Variants in CLNK observed in about 807,000 individuals in gnomAD.
CLNK encodes cytokine dependent hematopoietic cell linker.
CLNK carries 74 observed loss-of-function variants against 68.6 expected under a neutral mutation model. The observed-to-expected ratio is 1.08, with a 90% CI of 0.89 to 1.31. CLNK has a LOEUF of 1.31. Among genes scored for constraint, CLNK ranks in the 50% most tolerant of loss-of-function variants. CLNK has a pLI of 0.00. For missense variants in CLNK, 553 were observed against 515.3 expected, an observed-to-expected ratio of 1.07 and a Z score of -0.71; for synonymous variants, 198 against 172.2, an observed-to-expected ratio of 1.15 and a Z score of -1.17.
intron 15 of CLNK, 62 bp from the exon 16 acceptor site, chr4:10,513,659 T>A: frequency 4.7e-6 from 7 of 1,499,636 alleles, no homozygotes; most frequent in Non-Finnish European, 5.4e-6. Context: ...GTCCCCCACC[T>A]CCAGAAAGGA....
intron 18 of CLNK, among the ~76,000 whole-genome samples, chr4:10,493,761 A>G (rs1716691590): frequency 6.6e-6 from 1 of 152,208 alleles, no homozygotes; most frequent in Non-Finnish European, 1.5e-5. Flanking sequence ...AATTGTAACC[A>G]GAGGGCCTGT....
rs180808030 is a variant in CLNK, at chr4:10,615,125, G to A, written c.12-17076C>T. Among the ~76,000 whole-genome samples the A allele has an allele frequency of 2.6e-4, 39 of 152,130 alleles. 1 individual carries two copies. In the East Asian group the frequency reaches 6.8e-3, roughly 26 times the overall value. ...TGCTTGGACCCAGAAGGTGGAGGTC[G>A]GCAGTGACCCGAGTTTGTGTCACTT... On this transcript the variant is annotated intron_variant, in intron 2 of 18. Coordinates refer to ENST00000226951, the MANE Select transcript of CLNK (RefSeq NM_052964.4).
At chr4:10,692,210 A>T in the CLNK span, 1 of 152,200 alleles carries the variant, frequency 6.6e-6, no homozygotes, top group East Asian at 1.9e-4. Flanking sequence ...TCTACAATGT[A>T]CAAACTCCTC....
At chr4:10,513,755 T>C (rs577039203) in intron 15 of CLNK, among the ~76,000 whole-genome samples, 158 bp from the exon 16 acceptor site, 2 of 152,094 alleles carry the variant, frequency 1.3e-5, no homozygotes, top group Admixed American at 1.3e-4. Flanking sequence ...TAATTCTCTC[T>C]GTTTTGTTCT....
chr4:10,701,187 A>G, the CLNK span, among the ~76,000 whole-genome samples: 52,292 of 152,110 alleles, frequency 0.34, 9,367 homozygotes, highest in African/African-American at 0.42. Context: ...ACAAGGAAAT[A>G]CTTAAACTCA....
intron 16 of CLNK, among the ~76,000 whole-genome samples, chr4:10,510,495 G>A (rs914092622): frequency 6.6e-6 from 1 of 152,104 alleles, no homozygotes; most frequent in African/African-American, 2.4e-5. Flanking sequence ...AAATTCTAAG[G>A]TCCCCCAACC....
chr4:10,637,966 A>T (rs1723160806), intron 2 of CLNK, among the ~76,000 whole-genome samples: 2 of 152,248 alleles, frequency 1.3e-5, no homozygotes, highest in South Asian at 4.1e-4. Flanking sequence ...TTAAGTGATT[A>T]TTGAATTAAC....
At chr4:10,631,683 C>A (rs1362773698) in intron 2 of CLNK, among the ~76,000 whole-genome samples, 2 of 152,102 alleles carry the variant, frequency 1.3e-5, no homozygotes, top group African/African-American at 4.8e-5. Flanking sequence ...ACCAAGTAAC[C>A]AAGATATAGA....
At chr4:10,722,241 T>C in the CLNK span, among the ~76,000 whole-genome samples, 1 of 152,078 alleles carries the variant, frequency 6.6e-6, no homozygotes, top group Non-Finnish European at 1.5e-5. Context: ...ACCAATTTGG[T>C]GAAGAAGGAT....
intron 8 of CLNK, among the ~76,000 whole-genome samples, chr4:10,546,401 T>C (rs1392203587): frequency 6.6e-6 from 1 of 152,230 alleles, no homozygotes; most frequent in East Asian, 1.9e-4. Flanking sequence ...CCCTCAGGCA[T>C]AGAGACAATT....
intron 4 of CLNK, among the ~76,000 whole-genome samples, chr4:10,583,175 G>T (rs1720844856): frequency 6.6e-6 from 1 of 152,164 alleles, no homozygotes; most frequent in Non-Finnish European, 1.5e-5. Flanking sequence ...ATTAGATCAG[G>T]TCTGCTATTC....
At chr4:10,513,655 C>A in intron 15 of CLNK, 58 bp from the exon 16 acceptor site, 2 of 1,516,016 alleles carry the variant, frequency 1.3e-6, no homozygotes, top group Non-Finnish European at 1.8e-6. Flanking sequence ...GTCTGTCCCC[C>A]ACCTCCAGAA....
At chr4:10,615,225 A>T (rs1429645595) in intron 2 of CLNK, among the ~76,000 whole-genome samples, 1 of 152,008 alleles carries the variant, frequency 6.6e-6, no homozygotes, top group Non-Finnish European at 1.5e-5. Flanking sequence ...TATGCCTGTA[A>T]TCCCAGCACT....
chr4:10,725,561 C>T, the CLNK span, among the ~76,000 whole-genome samples: 2 of 152,210 alleles, frequency 1.3e-5, no homozygotes, highest in Admixed American at 6.5e-5. Context: ...TTTCCCCTCC[C>T]CAGCGAAAAA....
intron 1 of CLNK, among the ~76,000 whole-genome samples, chr4:10,676,060 TG>T (rs1724860902): frequency 6.7e-6 from 1 of 149,670 alleles, no homozygotes; most frequent in Admixed American, 6.7e-5. Flanking sequence ...TGTGTGTGTG[TG>T]TGTGTGTGTG....
chr4:10,598,927 C>T lies in CLNK; in HGVS notation c.12-878G>A, dbSNP rs544932111. Among the ~76,000 whole-genome samples, 32 of 152,324 alleles carry T rather than the reference C, an allele frequency of 2.1e-4. No homozygotes were observed. The South Asian group carries it at 6.4e-3, about 31-fold the overall frequency. ...CTGGTCCTTGGACTTTCTCTGCTCCCTCCCACGGGGCCCTTTCAGGTACCG... is the reference window on the plus strand; with the variant it reads ...CTGGTCCTTGGACTTTCTCTGCTCCTTCCCACGGGGCCCTTTCAGGTACCG... On this transcript the variant is annotated intron_variant, in intron 2 of 18. Transcript: ENST00000226951.
chr4:10,668,331 T>C (rs1724490273), intron 1 of CLNK, among the ~76,000 whole-genome samples: 1 of 152,240 alleles, frequency 6.6e-6, no homozygotes, highest in Admixed American at 6.5e-5. Context: ...GTTACAGTTC[T>C]ATATCACTTT....
At chr4:10,709,870 A>T in the CLNK span, among the ~76,000 whole-genome samples, 1 of 152,116 alleles carries the variant, frequency 6.6e-6, no homozygotes, top group Admixed American at 6.6e-5. Context: ...GCCATCCAAG[A>T]TCACCCCATC....
intron 8 of CLNK, among the ~76,000 whole-genome samples, chr4:10,550,029 G>A (rs1217147483): frequency 6.6e-6 from 1 of 152,214 alleles, no homozygotes; most frequent in Non-Finnish European, 1.5e-5. Flanking sequence ...GTGAAACCAT[G>A]AAGACATTGT....
Sources: allele counts gnomAD v4.1 joint callset (sites outside exome capture counted in the v4.1 genomes callset), GRCh38; gene constraint gnomAD v4.1.1; transcripts MANE v1.5; gene names NCBI Gene and HGNC (gene_info 2026-07-23, HGNC 2026-07-21).